The following FAM193A variants were observed in gnomAD, a reference collection of about 807,000 sequenced individuals.
FAM193A encodes protein FAM193A.
Under a neutral mutation model 126.5 loss-of-function variants are expected in FAM193A, and 22 were observed. The ratio of observed to expected loss-of-function variants is 0.17; its 90% CI spans 0.12 to 0.25. The LOEUF is 0.25. Among genes scored for constraint, FAM193A ranks in the 10% least tolerant of loss-of-function variants. The pLI is 1.00. For missense variants in FAM193A, 1,675 were observed against 1,672.8 expected, an observed-to-expected ratio of 1.00 and a Z score of -0.02; for synonymous variants, 761 against 646.8, an observed-to-expected ratio of 1.18 and a Z score of -2.68.
rs145450964 is a variant in FAM193A, at chr4:2,565,728, A to G, written c.255+28558A>G. Among the ~76,000 whole-genome samples the G allele has an allele frequency of 2.8e-3, 423 of 152,350 alleles. 3 individuals are homozygous for G. Among genetic ancestry groups the G allele is most frequent in the African/African-American group, 9.3e-3 (387 of 41,588 alleles). On this transcript the variant is annotated intron_variant, in intron 1 of 20. Transcript: ENST00000637812. The stretch of plus-strand genomic sequence containing the variant: ...ACAGCAACCAGTTGAAGCCAGAAGC[A>G]CTAATGGGTCAGCCTGAGACCTTTA...
At chr4:2,607,770 G>C in intron 2 of FAM193A, 2 of 489,584 alleles carry the variant, frequency 4.1e-6, no homozygotes, top group Non-Finnish European at 7.1e-6. Context: ...TGGGGTCCTC[G>C]GACCACACTT....
chr4:2,580,302 G>C (rs527499239), intron 1 of FAM193A, among the ~76,000 whole-genome samples: 2 of 152,242 alleles, frequency 1.3e-5, no homozygotes, highest in Non-Finnish European at 2.9e-5. Flanking sequence ...ACGTAGAGGG[G>C]AACAACATAC....
chr4:2,675,431 ATT>A (rs1714286733), intron 13 of FAM193A, among the ~76,000 whole-genome samples: 1 of 152,180 alleles, frequency 6.6e-6, no homozygotes, highest in African/African-American at 2.4e-5. Context: ...ATACTCTGTT[ATT>A]AGCGGCACAC....
chr4:2,560,326 T>C (rs1738534219), intron 1 of FAM193A, among the ~76,000 whole-genome samples: 1 of 152,168 alleles, frequency 6.6e-6, no homozygotes, highest in African/African-American at 2.4e-5. Flanking sequence ...GCTGTCCCCA[T>C]GGGAAGCATT....
intron 1 of FAM193A, among the ~76,000 whole-genome samples, chr4:2,562,303 T>C (rs1405950983): frequency 2.0e-5 from 3 of 151,854 alleles, no homozygotes; most frequent in Admixed American, 6.6e-5. Flanking sequence ...ATAGAAAAAA[T>C]CAGCTGGCTG....
rs1275494467 is a variant in FAM193A, at chr4:2,626,438, C to T, written c.664C>T (p.Pro222Ser). The change falls in exon 4 of 21, where the codon CCT becomes TCT. Residue 222 changes from proline (P) to serine (S), a missense_variant. Transcript: ENST00000637812. ...REISAEADRE[P>S]QQLQNYWSEV... ...AATTTCGGCAGAGGCGGACCGGGAA[C>T]CTCAGCAGCTGCAGAACTACTGGTC... The T allele has an allele frequency of 1.4e-6, 1 of 700,480 alleles. No homozygotes were observed. Among genetic ancestry groups the T allele is most frequent in the Non-Finnish European group, 2.6e-6 (1 of 382,962 alleles). The allele number at this position is 700,480 out of a possible 1,614,324, so 43.4% of individuals were successfully genotyped here. A position where few individuals can be genotyped will look rare whatever the true frequency, so the allele number is the denominator to read the frequency against.
At chr4:2,666,368 C>T (rs980977700) in intron 12 of FAM193A, among the ~76,000 whole-genome samples, 6 of 152,090 alleles carry the variant, frequency 3.9e-5, no homozygotes, top group African/African-American at 1.2e-4. Context: ...TCCCACTTGG[C>T]GGTGGTATAT....
chr4:2,560,021 C>G (rs938534153), intron 1 of FAM193A, among the ~76,000 whole-genome samples: 1 of 151,228 alleles, frequency 6.6e-6, no homozygotes, highest in African/African-American at 2.4e-5. Flanking sequence ...TGCAGTGGTG[C>G]GATCTTGGCT....
intron 10 of FAM193A, among the ~76,000 whole-genome samples, chr4:2,661,183 C>T (rs577821451): frequency 2.0e-5 from 3 of 152,208 alleles, no homozygotes; most frequent in Admixed American, 6.5e-5. Context: ...TCACCAGTTA[C>T]GGGGAGCCTA....
intron 1 of FAM193A, among the ~76,000 whole-genome samples, chr4:2,543,426 G>A (rs1041511941): frequency 6.6e-6 from 1 of 152,006 alleles, no homozygotes; most frequent in Non-Finnish European, 1.5e-5. Context: ...CACAGGCTTG[G>A]TAGCTCATAC....
intron 1 of FAM193A, among the ~76,000 whole-genome samples, chr4:2,595,409 T>C (rs1740801424): frequency 6.6e-6 from 1 of 152,018 alleles, no homozygotes; most frequent in Admixed American, 6.6e-5. Flanking sequence ...TCTGATAGAG[T>C]GGGTGGTTAT....
At chr4:2,543,018 G>A (rs1310276264) in intron 1 of FAM193A, among the ~76,000 whole-genome samples, 1 of 151,978 alleles carries the variant, frequency 6.6e-6, no homozygotes, top group African/African-American at 2.4e-5. Context: ...TATACACAAA[G>A]CTTGGGGAAC....
intron 1 of FAM193A, among the ~76,000 whole-genome samples, chr4:2,593,680 T>C (rs1740694076): frequency 6.6e-6 from 1 of 152,168 alleles, no homozygotes; most frequent in African/African-American, 2.4e-5. Context: ...CTCTGGTCAT[T>C]TCTGGCTCTT....
intron 18 of FAM193A, among the ~76,000 whole-genome samples, chr4:2,698,216 C>T (rs1022162578): frequency 9.9e-5 from 15 of 152,224 alleles, no homozygotes; most frequent in African/African-American, 2.7e-4. Context: ...GCTGGGGCAG[C>T]CGTTCTGCTG....
At chr4:2,577,426 T>TTTTGTTTTTTTG (rs1448386891) in intron 1 of FAM193A, among the ~76,000 whole-genome samples, 1 of 146,226 alleles carries the variant, frequency 6.8e-6, no homozygotes, top group Non-Finnish European at 1.5e-5. Context: ...TTTTTTGTTT[T>TTTTGTTTTTTTG]TTTTTTTTTT....
chr4:2,579,815 T>C (rs1739817546), intron 1 of FAM193A, among the ~76,000 whole-genome samples: 1 of 152,192 alleles, frequency 6.6e-6, no homozygotes, highest in African/African-American at 2.4e-5. Context: ...AAGGAACGCT[T>C]ATACACTGTT....
intron 2 of FAM193A, among the ~76,000 whole-genome samples, chr4:2,617,184 A>C (rs867418372): frequency 1.9e-5 from 2 of 105,242 alleles, no homozygotes; most frequent in Non-Finnish European, 3.7e-5. Context: ...AAAAAAAATT[A>C]AAAAAAAAAA....
rs1012799926 is a variant in FAM193A at position 2,658,937 on chromosome 4, G to A, written c.1390-621G>A. On this transcript the variant is annotated intron_variant, in intron 8 of 20. Coordinates refer to ENST00000637812, the MANE Select transcript of FAM193A (RefSeq NM_001366318.2). ...GGCTAATTTTTGTATTTTTAGTAGA[G>A]ATGGGGTTTCACCATGTTGGCCAGG... 9.5e-4 allele frequency among the ~76,000 whole-genome samples: 145 copies of A among 152,160 alleles called. 2 individuals are homozygous for A. Among genetic ancestry groups the A allele is most frequent in the Admixed American group, 2.0e-4 (3 of 15,278 alleles).
At chr4:2,646,158 CCTTTTTTTTTTTTTTTTT>C (rs1745115267) in intron 6 of FAM193A, among the ~76,000 whole-genome samples, 1 of 126,190 alleles carries the variant, frequency 7.9e-6, no homozygotes, top group African/African-American at 3.0e-5. Flanking sequence ...TTGAGCATCT[CCTTTTTTTTTTTTTTTTT>C]TTTTTTTTTT....
Sources: gnomAD v4.1 joint callset for allele counts (sites outside exome capture counted in the v4.1 genomes callset) on GRCh38, gnomAD v4.1.1 for gene constraint, MANE v1.5 for transcripts, NCBI Gene and HGNC (gene_info 2026-07-23, HGNC 2026-07-21) for gene names.